The following TARP variants were observed in gnomAD, a reference collection of about 807,000 sequenced individuals.
the TARP span, chr7:38,259,646 T>A: frequency 6.2e-6 from 1 of 160,958 alleles, no homozygotes; most frequent in African/African-American, 2.4e-5. Context: ...AAAAGTCAAC[T>A]TTTCATTTTT....
the TARP span, among the ~76,000 whole-genome samples, chr7:38,273,003 C>G: frequency 3.3e-5 from 5 of 151,040 alleles, no homozygotes; most frequent in African/African-American, 9.8e-5. Flanking sequence ...GTGGATCTAA[C>G]AGACTAAGAG....
the TARP span, among the ~76,000 whole-genome samples, chr7:38,264,533 G>C: frequency 6.6e-6 from 1 of 151,216 alleles, no homozygotes; most frequent in Non-Finnish European, 1.5e-5. Context: ...GGAGGTTGCA[G>C]TGAGCTGAGA....
At chr7:38,272,916 T>A in the TARP span, among the ~76,000 whole-genome samples, 1 of 151,510 alleles carries the variant, frequency 6.6e-6, no homozygotes, top group Admixed American at 6.6e-5. Flanking sequence ...CACTAAGGAA[T>A]TAAAAATGTA....
At chr7:38,273,488 T>G in the TARP span, 1 of 998,972 alleles carries the variant, frequency 1.0e-6, no homozygotes. Context: ...GATTTCACCA[T>G]GATTAGTGAC....
the TARP span, among the ~76,000 whole-genome samples, chr7:38,260,974 C>A: frequency 6.6e-6 from 1 of 151,830 alleles, no homozygotes; most frequent in Admixed American, 6.6e-5. Context: ...AAGCCAGAAA[C>A]AAGTACTCAT....
the TARP span, among the ~76,000 whole-genome samples, chr7:38,269,184 A>T: frequency 1.3e-5 from 2 of 151,922 alleles, no homozygotes; most frequent in East Asian, 1.9e-4. Context: ...AGTCTATCAC[A>T]AACTTACCTG....
the TARP span, among the ~76,000 whole-genome samples, chr7:38,263,133 TAAC>T: frequency 5.9e-5 from 9 of 151,790 alleles, no homozygotes; most frequent in Non-Finnish European, 1.0e-4. Flanking sequence ...TTTCTGGACA[TAAC>T]AACAACAATA....
the TARP span, chr7:38,273,449 C>T: frequency 4.3e-6 from 3 of 700,868 alleles, no homozygotes; most frequent in Non-Finnish European, 7.2e-6. Context: ...ACTCCTAAGG[C>T]ATGAACCAAG....
chr7:38,265,576 T>C, the TARP span: 1 of 1,612,234 alleles, frequency 6.2e-7, no homozygotes, highest in Admixed American at 1.7e-5. Flanking sequence ...GAAAAATTTC[T>C]CAAGAAGACA....
chr7:38,264,298 C>T, the TARP span, among the ~76,000 whole-genome samples: 1 of 151,728 alleles, frequency 6.6e-6, no homozygotes, highest in Non-Finnish European at 1.5e-5. Context: ...TCATGAAAGA[C>T]ATTTTACTTT....
chr7:38,271,528 G>T, the TARP span, among the ~76,000 whole-genome samples: 7 of 150,028 alleles, frequency 4.7e-5, no homozygotes, highest in Non-Finnish European at 1.0e-4. Flanking sequence ...TGCTAGTTTG[G>T]GGAATAGCAC....
chr7:38,262,589 C>G, the TARP span, among the ~76,000 whole-genome samples: 1 of 151,678 alleles, frequency 6.6e-6, no homozygotes. Flanking sequence ...GGCTGCTTTA[C>G]AGCCTTCAAC....
chr7:38,265,329 T>C, the TARP span: 3 of 1,567,056 alleles, frequency 1.9e-6, no homozygotes, highest in Non-Finnish European at 8.8e-7. Flanking sequence ...TTCTGACAGA[T>C]GATATGCGTA....
chr7:38,268,482 T>C, the TARP span, among the ~76,000 whole-genome samples: 2 of 151,718 alleles, frequency 1.3e-5, no homozygotes, highest in African/African-American at 4.8e-5. Flanking sequence ...ATTTATGATG[T>C]TTCCAACTGG....
At chr7:38,267,786 C>G in the TARP span, among the ~76,000 whole-genome samples, 14 of 150,914 alleles carry the variant, frequency 9.3e-5, no homozygotes, top group African/African-American at 3.4e-4. Flanking sequence ...TAATTGTAGT[C>G]TCTAGTCAAT....
At chr7:38,265,321 C>T in the TARP span, 3 of 1,537,592 alleles carry the variant, frequency 2.0e-6, no homozygotes, top group Non-Finnish European at 2.7e-6. Flanking sequence ...AAGAAGTGTT[C>T]TGACAGATGA....
the TARP span, among the ~76,000 whole-genome samples, chr7:38,272,853 A>C: frequency 1.3e-5 from 2 of 151,184 alleles, no homozygotes; most frequent in African/African-American, 4.9e-5. Context: ...GATAAAAGAG[A>C]ATCGGAAGGT....
the TARP span, chr7:38,262,364 T>G: frequency 3.0e-6 from 2 of 661,924 alleles, no homozygotes; most frequent in Admixed American, 2.5e-5. Flanking sequence ...GGTCTAATTC[T>G]GTGTAATTAG....
chr7:38,264,957 G>A, the TARP span, among the ~76,000 whole-genome samples: 3 of 151,504 alleles, frequency 2.0e-5, no homozygotes, highest in African/African-American at 7.3e-5. Flanking sequence ...GAACATTCCT[G>A]AAAGACATAT....
Sources: gnomAD v4.1 joint callset for allele counts (sites outside exome capture counted in the v4.1 genomes callset) on GRCh38, gnomAD v4.1.1 for gene constraint, MANE v1.5 for transcripts.